ZC3H12B: variants seen among roughly 807,000 people sequenced by gnomAD.
ZC3H12B encodes the protein probable ribonuclease ZC3H12B.
Under a neutral mutation model 43.9 loss-of-function variants are expected in ZC3H12B, and 7 were observed. The observed-to-expected ratio is 0.16, with a 90% confidence interval of 0.09 to 0.30. The LOEUF (loss-of-function observed/expected upper bound fraction) is 0.30. ZC3H12B is among the 10% of genes least tolerant of loss of function. ZC3H12B has a pLI of 1.00. For missense variants in ZC3H12B, 475 were observed against 670.2 expected, an observed-to-expected ratio of 0.71 and a Z score of 3.22; for synonymous variants, 222 against 241.7, an observed-to-expected ratio of 0.92 and a Z score of 0.76.
chrX:65,327,020 T>C, the ZC3H12B span, among the ~76,000 whole-genome samples: 219 of 111,394 alleles, frequency 2.0e-3, 1 homozygote, highest in Admixed American at 5.9e-3. Context: ...TGTACATTGT[T>C]GGGAGAAATA....
chrX:65,473,615 A>G (rs1056526526), intron 3 of ZC3H12B, among the ~76,000 whole-genome samples: 2 of 112,069 alleles, frequency 1.8e-5, no homozygotes, highest in African/African-American at 6.5e-5. Context: ...ACAGTGTATA[A>G]GTCTTTCACC....
chrX:65,224,240 T>C, the ZC3H12B span, among the ~76,000 whole-genome samples: 1 of 112,501 alleles, frequency 8.9e-6, no homozygotes, highest in Non-Finnish European at 1.9e-5. Context: ...AAGGGAGAGC[T>C]AAGCTATGAG....
At chrX:65,471,601 C>G (rs1357473074) in intron 3 of ZC3H12B, among the ~76,000 whole-genome samples, 1 of 108,740 alleles carries the variant, frequency 9.2e-6, no homozygotes, top group Non-Finnish European at 1.9e-5. Flanking sequence ...CAGATATGCA[C>G]CACCATGCCT....
chrX:65,323,319 CAGACCCA>C, the ZC3H12B span, among the ~76,000 whole-genome samples: 3 of 111,656 alleles, frequency 2.7e-5, no homozygotes, highest in Non-Finnish European at 5.7e-5. Flanking sequence ...ATGGGGTGAT[CAGACCCA>C]ACCCAGGACA....
intron 3 of ZC3H12B, among the ~76,000 whole-genome samples, chrX:65,471,073 G>A (rs182160190): frequency 9.0e-6 from 1 of 111,593 alleles, no homozygotes; most frequent in African/African-American, 3.3e-5. Context: ...TTAAAGTCCA[G>A]TGTTTTTTTA....
the ZC3H12B span, among the ~76,000 whole-genome samples, chrX:65,055,714 T>C: frequency 9.0e-6 from 1 of 111,570 alleles, no homozygotes; most frequent in African/African-American, 3.3e-5. Context: ...ATTCTTCTGG[T>C]CCTGGTCTTT....
the ZC3H12B span, among the ~76,000 whole-genome samples, chrX:65,294,213 A>G: frequency 1.8e-5 from 2 of 111,908 alleles, no homozygotes; most frequent in Non-Finnish European, 3.8e-5. Context: ...GCATCTTTAA[A>G]CAAGAAAATT....
chrX:65,178,060 C>G, the ZC3H12B span, among the ~76,000 whole-genome samples: 9 of 111,988 alleles, frequency 8.0e-5, no homozygotes, highest in Admixed American at 8.6e-4. Flanking sequence ...GGTACAAAAG[C>G]AGATACATAG....
intron 3 of ZC3H12B, among the ~76,000 whole-genome samples, chrX:65,412,984 T>C (rs879150675): frequency 2.7e-5 from 3 of 111,556 alleles, no homozygotes; most frequent in Non-Finnish European, 5.6e-5. Flanking sequence ...CGGTTTTTTT[T>C]CCTAGTGAGA....
At chrX:65,126,089 TTTTGGTATATTTTGAGTGTA>T in the ZC3H12B span, among the ~76,000 whole-genome samples, 1 of 108,595 alleles carries the variant, frequency 9.2e-6, no homozygotes, top group African/African-American at 3.4e-5. Flanking sequence ...GGAGGTTCTG[TTTTGGTATATTTTGAGTGTA>T]TTTGGTATAT....
At chrX:65,463,327 G>T (rs1383377209) in intron 3 of ZC3H12B, among the ~76,000 whole-genome samples, 4 of 112,030 alleles carry the variant, frequency 3.6e-5, no homozygotes, top group Non-Finnish European at 5.6e-5. Flanking sequence ...TTTGTAGATT[G>T]CTTTTGGCAG....
upstream of ZC3H12B, among the ~76,000 whole-genome samples, chrX:65,486,030 G>A (rs779389062): frequency 8.9e-6 from 1 of 111,939 alleles, no homozygotes; most frequent in African/African-American, 3.2e-5. Flanking sequence ...AGTAATGTCA[G>A]CAGATGACTA....
chrX:65,334,480 A>C, the ZC3H12B span, among the ~76,000 whole-genome samples: 1 of 112,098 alleles, frequency 8.9e-6, no homozygotes, highest in Admixed American at 9.5e-5. Flanking sequence ...TTGCATGTAA[A>C]ATTGTTTTTA....
At chrX:65,429,292 G>T (rs1216029019) in intron 3 of ZC3H12B, among the ~76,000 whole-genome samples, 1 of 112,670 alleles carries the variant, frequency 8.9e-6, no homozygotes, top group African/African-American at 3.2e-5. Flanking sequence ...GGCATGCTGT[G>T]TTGGTGATCT....
At chrX:65,251,431 G>A in the ZC3H12B span, among the ~76,000 whole-genome samples, 1 of 111,329 alleles carries the variant, frequency 9.0e-6, no homozygotes, top group Non-Finnish European at 1.9e-5. Flanking sequence ...GCTCTTTCTT[G>A]GTTCCATATG....
chrX:65,142,876 G>C, the ZC3H12B span, among the ~76,000 whole-genome samples: 1 of 112,199 alleles, frequency 8.9e-6, no homozygotes, highest in Non-Finnish European at 1.9e-5. Flanking sequence ...TTTTATACCA[G>C]TACCATACTG....
At chrX:65,087,226 G>T in the ZC3H12B span, among the ~76,000 whole-genome samples, 3 of 111,178 alleles carry the variant, frequency 2.7e-5, no homozygotes, top group Non-Finnish European at 5.7e-5. Flanking sequence ...TCCTCATCCT[G>T]TCAGGGCACT....
chrX:65,150,827 A>G, the ZC3H12B span, among the ~76,000 whole-genome samples: 1 of 110,893 alleles, frequency 9.0e-6, no homozygotes, highest in Non-Finnish European at 1.9e-5. Flanking sequence ...AATGAAACCT[A>G]TCACTACTTT....
chrX:65,212,672 A>G, the ZC3H12B span, among the ~76,000 whole-genome samples: 9 of 88,490 alleles, frequency 1.0e-4, no homozygotes, highest in Non-Finnish European at 1.9e-4. Flanking sequence ...ATAAATATAT[A>G]TGATTTATAT....
Sources: gnomAD v4.1 joint callset for allele counts (sites outside exome capture counted in the v4.1 genomes callset) on GRCh38, gnomAD v4.1.1 for gene constraint, MANE v1.5 for transcripts, NCBI Gene and HGNC (gene_info 2026-07-23, HGNC 2026-07-21) for gene names.